TPM4: variants seen among roughly 807,000 people sequenced by gnomAD.
TPM4 encodes tropomyosin 4.
Under a neutral mutation model 35.8 loss-of-function variants are expected in TPM4, and 17 were observed. The observed-to-expected ratio is 0.47, with a 90% CI of 0.32 to 0.71. The LOEUF (loss-of-function observed/expected upper bound fraction) is 0.71, where lower values mean the gene tolerates loss of function less well. TPM4 is among the 30% of genes least tolerant of loss of function. The pLI is 0.03. For missense variants in TPM4, 240 were observed against 320.9 expected, an observed-to-expected ratio of 0.75 and a Z score of 1.93; for synonymous variants, 120 against 122.9, an observed-to-expected ratio of 0.98 and a Z score of 0.15.
At chr19:16,068,532 CTG>C (rs1206536458) in intron 2 of TPM4, among the ~76,000 whole-genome samples, 1 of 151,728 alleles carries the variant, frequency 6.6e-6, no homozygotes, top group Non-Finnish European at 1.5e-5. Context: ...CTGTGTGTGT[CTG>C]TGTGTGTATC....
intron 7 of TPM4, among the ~76,000 whole-genome samples, chr19:16,096,934 CTCTTTTTTTTTTTTTT>C (rs2090705566): frequency 3.3e-5 from 2 of 59,806 alleles, no homozygotes; most frequent in South Asian, 9.7e-4. Context: ...AACAAGGTCA[CTCTTTTTTTTTTTTTT>C]TTTTTTTTTT....
intron 2 of TPM4, among the ~76,000 whole-genome samples, chr19:16,068,337 C>T (rs867736236): frequency 3.9e-5 from 6 of 152,160 alleles, no homozygotes; most frequent in African/African-American, 1.4e-4. Context: ...CCATCACACC[C>T]GGCTAATTTT....
intron 3 of TPM4, among the ~76,000 whole-genome samples, chr19:16,087,573 T>C (rs2090571633): frequency 1.3e-5 from 2 of 150,328 alleles, no homozygotes. Context: ...CGAGACTCTG[T>C]CTCAAAAGAA....
intron 1 of TPM4, chr19:16,080,083 T>C (rs1319116297): frequency 5.2e-6 from 1 of 191,892 alleles, no homozygotes; most frequent in Non-Finnish European, 1.1e-5. Context: ...GGCTTCCCTT[T>C]TCCTCTCGGT....
chr19:16,099,318 G>C (rs2090738506), intron 7 of TPM4, among the ~76,000 whole-genome samples: 1 of 150,602 alleles, frequency 6.6e-6, no homozygotes, highest in South Asian at 2.1e-4. Flanking sequence ...CTTACATCAA[G>C]GATCCATGGT....
intron 1 of TPM4, 197 bp downstream of exon 1, chr19:16,076,894 C>A: frequency 8.5e-7 from 1 of 1,182,384 alleles, no homozygotes; most frequent in Non-Finnish European, 1.1e-6. Context: ...CCTTCCTGGG[C>A]CTGGGACAGG....
At chr19:16,093,899 A>T in intron 7 of TPM4, 146 bp downstream of exon 7, 7 of 634,486 alleles carry the variant, frequency 1.1e-5, no homozygotes, top group Admixed American at 2.7e-5. Context: ...TCATATCTGG[A>T]TGTCCTGGAA....
At chr19:16,089,840 C>T (rs2090603534) in intron 5 of TPM4, among the ~76,000 whole-genome samples, 1 of 151,818 alleles carries the variant, frequency 6.6e-6, no homozygotes, top group Admixed American at 6.6e-5. Context: ...GCTTGATAAA[C>T]CCCTATTCAG....
At chr19:16,078,040 TG>T (rs1014419210) in intron 1 of TPM4, 2 of 397,218 alleles carry the variant, frequency 5.0e-6, no homozygotes, top group Non-Finnish European at 4.4e-6. Flanking sequence ...CCCAAAGTTC[TG>T]GGATTACAAG....
In TPM4 at chr19:16,086,670, G is replaced by T. The variant is rs150878439; in HGVS notation, c.384+130G>T. 176 of 720,240 alleles carry T rather than the reference G, an allele frequency of 2.4e-4. 1 individual carries two copies. The African/African-American group carries it at 2.8e-3, about 12-fold the overall frequency. 44.6% of individuals were successfully genotyped at this position (720,240 alleles called of 1,614,324 possible). A position where few individuals can be genotyped will look rare whatever the true frequency, so the allele number is the denominator to read the frequency against. ...CAGCTGTCCTCCTGCGTGAACATAT[G>T]TTTGTCCAGAGACAACCACTTGGCT... is the stretch of plus-strand genomic sequence containing the variant. On this transcript the variant is annotated intron_variant, in intron 3 of 7. Transcript: ENST00000643579.
chr19:16,086,367 G>A (rs1340824932), intron 2 of TPM4, 56 bp from the exon 3 acceptor site: 2 of 1,437,912 alleles, frequency 1.4e-6, no homozygotes, highest in African/African-American at 2.8e-5. Context: ...AGATAGATGA[G>A]AGGTGGGTGG....
At chr19:16,096,770 C>T (rs1248669774) in intron 7 of TPM4, among the ~76,000 whole-genome samples, 1 of 152,016 alleles carries the variant, frequency 6.6e-6, no homozygotes, top group Non-Finnish European at 1.5e-5. Context: ...ATTCTTTTCC[C>T]GAATTCCAGA....
intron 2 of TPM4, among the ~76,000 whole-genome samples, chr19:16,086,068 CAAAA>C (rs562934017): frequency 2.5e-5 from 2 of 79,112 alleles, no homozygotes; most frequent in East Asian, 3.2e-4. Flanking sequence ...GACTCCATCT[CAAAA>C]AAAAAAAAAA....
chr19:16,072,934 A>ATC (rs1485120786), upstream of TPM4, among the ~76,000 whole-genome samples: 1 of 152,092 alleles, frequency 6.6e-6, no homozygotes, highest in Non-Finnish European at 1.5e-5. Flanking sequence ...AAATTGTAAC[A>ATC]CGCCCAACAC....
At chr19:16,093,259 G>A in intron 5 of TPM4, 2 of 415,290 alleles carry the variant, frequency 4.8e-6, no homozygotes, top group Non-Finnish European at 4.5e-6. Context: ...GCAGTGGCGT[G>A]ATCTCGGCTC....
rs2090773886 is a variant in TPM4 at position 16,102,594 on chromosome 19, G to A, written c.*1248G>A. The A allele has an allele frequency of 8.8e-6, 2 of 228,066 alleles. No individual in the cohort carries two copies. The highest frequency in any genetic ancestry group is 1.7e-5 in the Non-Finnish European group (2 of 114,768). 14.1% of individuals were successfully genotyped at this position (228,066 alleles called of 1,614,324 possible). ...GCAAATTGAGGATTTACTTATCTAG[G>A]ACTTGAATTCCTTCTTTGGGACCAA... On this transcript the variant is annotated 3_prime_UTR_variant, in exon 8 of 8. Transcript: ENST00000643579.
chr19:16,098,180 C>A (rs1404384350), intron 7 of TPM4, among the ~76,000 whole-genome samples: 3 of 152,198 alleles, frequency 2.0e-5, no homozygotes, highest in Non-Finnish European at 4.4e-5. Flanking sequence ...CGGTGGCTCA[C>A]GCCTGTAATC....
chr19:16,076,759 T>C, intron 1 of TPM4, 62 bp downstream of exon 1: 2 of 1,281,580 alleles, frequency 1.6e-6, no homozygotes, highest in Non-Finnish European at 2.0e-6. Flanking sequence ...CCTCCTTTCT[T>C]CCCGGCTTCC....
upstream of TPM4, chr19:16,075,728 A>C (rs1343120713): frequency 7.8e-6 from 2 of 256,606 alleles, no homozygotes; most frequent in African/African-American, 4.6e-5. Flanking sequence ...GCACCTCTGA[A>C]ACTGGAATGT....
Sources: allele counts gnomAD v4.1 joint callset (sites outside exome capture counted in the v4.1 genomes callset), GRCh38; gene constraint gnomAD v4.1.1; transcripts MANE v1.5; gene names NCBI Gene and HGNC (gene_info 2026-07-23, HGNC 2026-07-21).